The following RAF1 variants were observed in gnomAD, a reference collection of about 807,000 sequenced individuals.
RAF1 encodes RAF proto-oncogene serine/threonine-protein kinase.
Under a neutral mutation model 81.1 loss-of-function variants are expected in RAF1, and 27 were observed. The ratio of observed to expected loss-of-function variants is 0.33; its 90% CI spans 0.25 to 0.46. The LOEUF (loss-of-function observed/expected upper bound fraction) is 0.46, where lower values mean the gene tolerates loss of function less well. Ranked by LOEUF, RAF1 falls within the 20% of genes least tolerant of loss-of-function variation. RAF1 has a pLI of 1.00. For missense variants in RAF1, 598 were observed against 826.0 expected, an observed-to-expected ratio of 0.72 and a Z score of 3.38; for synonymous variants, 298 against 294.0, an observed-to-expected ratio of 1.01 and a Z score of -0.14.
At chr3:12,594,934 TC>T (rs1237450099) in intron 11 of RAF1, among the ~76,000 whole-genome samples, 2 of 152,214 alleles carry the variant, frequency 1.3e-5, no homozygotes, top group Non-Finnish European at 2.9e-5. Flanking sequence ...GAAGGAATGT[TC>T]TATACTGCAG....
chr3:12,606,549 CTTTTTT>C (rs888518743), intron 5 of RAF1, among the ~76,000 whole-genome samples: 1 of 150,798 alleles, frequency 6.6e-6, no homozygotes, highest in Non-Finnish European at 1.5e-5. Flanking sequence ...TTTTCTTTTT[CTTTTTT>C]TTTAAGATGG....
At position 12,619,416 on chromosome 3, in the gene RAF1, T is replaced by C. The variant is rs952675798; in HGVS notation, c.-26-669A>G. On this transcript the variant is annotated intron_variant, in intron 1 of 17. Transcript: ENST00000442415. Reference sequence around the variant, plus strand: ...CTGTCACTACTTAAAATACAAAAATTAGCCAGGCATGGTGGTGGGTGTCTG... The same window carrying C: ...CTGTCACTACTTAAAATACAAAAATCAGCCAGGCATGGTGGTGGGTGTCTG... Among the ~76,000 whole-genome samples, 10 of 151,822 alleles carry C rather than the reference T, an allele frequency of 6.6e-5. No homozygotes were observed. The East Asian group carries it at 1.9e-3, about 30-fold the overall frequency.
intron 2 of RAF1, 99 bp downstream of exon 2, chr3:12,618,416 G>A: frequency 8.0e-7 from 1 of 1,243,954 alleles, no homozygotes; most frequent in Non-Finnish European, 1.2e-6. Context: ...GACCCTAAAT[G>A]ACAATGAATA....
intron 14 of RAF1, 185 bp downstream of exon 13, chr3:12,587,406 G>A: frequency 2.9e-6 from 2 of 688,130 alleles, no homozygotes; most frequent in Non-Finnish European, 5.3e-6. Flanking sequence ...GTCCAGGTGA[G>A]GCATAAGCTG....
At chr3:12,612,090 C>A (rs2059228705) in intron 2 of RAF1, 28 bp from the exon 3 acceptor site, 1 of 1,564,374 alleles carries the variant, frequency 6.4e-7, no homozygotes, top group Non-Finnish European at 8.8e-7. Flanking sequence ...CCTTTAGGAC[C>A]AACACAGGCT....
At chr3:12,608,548 G>A (rs970669273) in intron 5 of RAF1, 2 of 582,526 alleles carry the variant, frequency 3.4e-6, no homozygotes, top group African/African-American at 1.9e-5. Flanking sequence ...CAATTTGACA[G>A]ATAACAAGTC....
chr3:12,653,354 G>C (rs2060592526), intron 1 of RAF1, among the ~76,000 whole-genome samples: 1 of 152,118 alleles, frequency 6.6e-6, no homozygotes, highest in East Asian at 1.9e-4. Context: ...TTCTATTGCA[G>C]TGAACTCAAG....
chr3:12,648,285 T>C (rs2060415244), intron 1 of RAF1, among the ~76,000 whole-genome samples: 2 of 47,648 alleles, frequency 4.2e-5, no homozygotes, highest in African/African-American at 3.2e-4. Context: ...AACAGCGAAG[T>C]TAAAAAAAAA....
intron 2 of RAF1, among the ~76,000 whole-genome samples, chr3:12,613,724 T>C (rs1048602598): frequency 6.6e-6 from 1 of 152,298 alleles, no homozygotes; most frequent in Admixed American, 6.5e-5. Flanking sequence ...AGGGAATGCA[T>C]GTAAGCATAA....
chr3:12,631,459 C>T (rs62240816), intron 1 of RAF1, among the ~76,000 whole-genome samples: 18,563 of 151,932 alleles, frequency 0.12, 1,355 homozygotes, highest in Admixed American at 0.2. Flanking sequence ...ATTAGCCGGG[C>T]GTGGTGGCGG....
At chr3:12,642,438 G>A (rs944804379) in intron 1 of RAF1, among the ~76,000 whole-genome samples, 1 of 151,400 alleles carries the variant, frequency 6.6e-6, no homozygotes, top group Non-Finnish European at 1.5e-5. Flanking sequence ...AGTGAACCCA[G>A]GAGGCAGAGC....
At chr3:12,643,594 G>A (rs886870337) in intron 1 of RAF1, among the ~76,000 whole-genome samples, 1 of 151,890 alleles carries the variant, frequency 6.6e-6, no homozygotes. Flanking sequence ...TACAAAATTA[G>A]GCGTGGTGGC....
At chr3:12,661,223 T>A (rs1324836222) in intron 1 of RAF1, among the ~76,000 whole-genome samples, 2 of 152,238 alleles carry the variant, frequency 1.3e-5, no homozygotes, top group African/African-American at 4.8e-5. Context: ...ATATTATAGC[T>A]ATTTTAGGAA....
rs553372751 is a variant in RAF1, at chr3:12,660,183, TCTTCA to T, written c.-27+3625_-27+3629del. On this transcript the variant is annotated intron_variant, in intron 1 of 17. Coordinates refer to ENST00000442415, the MANE Select transcript of RAF1 (RefSeq NM_001354689.3). ...TAATATAATACTTGATGTTTAACATTCTTCACTTCATCTTTTAGATACTTTTTGTC... is the reference window on the plus strand; with the variant it reads ...TAATATAATACTTGATGTTTAACATTCTTCATCTTTTAGATACTTTTTGTC... 3.0e-4 allele frequency among the ~76,000 whole-genome samples: 46 copies of T among 152,196 alleles called. 1 individual carries two copies. Among genetic ancestry groups the T allele is most frequent in the Admixed American group, 6.6e-4 (10 of 15,258 alleles).
At chr3:12,613,393 C>A (rs2059275364) in intron 2 of RAF1, among the ~76,000 whole-genome samples, 1 of 152,122 alleles carries the variant, frequency 6.6e-6, no homozygotes, top group Admixed American at 6.5e-5. Context: ...CTGACAGCAG[C>A]CAGCCAACCG....
intron 1 of RAF1, among the ~76,000 whole-genome samples, chr3:12,637,575 T>C (rs1203290257): frequency 6.6e-6 from 1 of 152,026 alleles, no homozygotes; most frequent in Non-Finnish European, 1.5e-5. Context: ...ATTGTGTTCT[T>C]AAAACACAAA....
intron 7 of RAF1, 93 bp downstream of exon 7, chr3:12,604,043 C>T (rs1484332485): frequency 7.1e-7 from 1 of 1,418,340 alleles, no homozygotes; most frequent in Non-Finnish European, 9.9e-7. Flanking sequence ...TTGCAACATT[C>T]CTTGATCAGA....
intron 1 of RAF1, among the ~76,000 whole-genome samples, chr3:12,663,512 C>A (rs1038526346): frequency 8.5e-5 from 13 of 152,224 alleles, no homozygotes; most frequent in Non-Finnish European, 1.5e-4. Context: ...CAGCTCTGGG[C>A]GGATTTTCCC....
At chr3:12,663,197 A>C (rs2060935533) in intron 1 of RAF1, among the ~76,000 whole-genome samples, 1 of 152,138 alleles carries the variant, frequency 6.6e-6, no homozygotes, top group Non-Finnish European at 1.5e-5. Flanking sequence ...CGCGTCACAC[A>C]AAAGACAGCC....
Sources: gnomAD v4.1 joint callset for allele counts (sites outside exome capture counted in the v4.1 genomes callset) on GRCh38, gnomAD v4.1.1 for gene constraint, MANE v1.5 for transcripts, NCBI Gene and HGNC (gene_info 2026-07-23, HGNC 2026-07-21) for gene names.